LCA5: variants seen among roughly 807,000 people sequenced by gnomAD.
LCA5 encodes the protein lebercilin.
In LCA5, 37 loss-of-function variants were observed where a neutral mutation model predicts 53.0. The observed-to-expected ratio is 0.70, with a 90% confidence interval of 0.54 to 0.92. The LOEUF (loss-of-function observed/expected upper bound fraction) is 0.92, where lower values mean the gene tolerates loss of function less well. LCA5 is among the 40% of genes least tolerant of loss of function. The probability of loss-of-function intolerance (pLI) is 0.00; values close to 1 mark genes in which losing one functional copy is unlikely to be tolerated. For synonymous variants in LCA5, 303 were observed against 282.9 expected, an observed-to-expected ratio of 1.07 and a Z score of -0.71; for missense variants, 806 against 790.5, an observed-to-expected ratio of 1.02 and a Z score of -0.23.
At position 79,487,502 on chromosome 6, in the gene LCA5, T is replaced by C. The variant is rs1415217101; in HGVS notation, c.1596A>G (p.Pro532=). 1 of 1,614,046 alleles carries C rather than the reference T, an allele frequency of 6.2e-7. No homozygotes were observed. The change falls in exon 8 of 8, where the codon CCA becomes CCG. Residue 532 remains proline, a synonymous_variant. Transcript: ENST00000369846. ...TTCCTGAATTCTGACCTTCTCCTTT[T>C]GGAGTTGAGAAACTGATGTCTTGCA... ...HHLQDISFST[P]KGEGQNSGNV...
chr6:79,504,877 T>C (rs1436119199), intron 3 of LCA5, among the ~76,000 whole-genome samples: 1 of 152,110 alleles, frequency 6.6e-6, no homozygotes, highest in Non-Finnish European at 1.5e-5. Flanking sequence ...AGTGCCAAAA[T>C]ATACTTTTCA....
At chr6:79,512,013 C>T (rs1436348025) in intron 3 of LCA5, among the ~76,000 whole-genome samples, 3 of 152,100 alleles carry the variant, frequency 2.0e-5, no homozygotes, top group Non-Finnish European at 4.4e-5. Flanking sequence ...CATGTTCTCT[C>T]TCTATATGTA....
At position 79,511,516 on chromosome 6, in the gene LCA5, C is replaced by T. The variant is rs373423227; in HGVS notation, c.720+1696G>A. Among the ~76,000 whole-genome samples, 28 of 152,120 alleles carry T rather than the reference C, an allele frequency of 1.8e-4. No individual in the cohort carries two copies. The East Asian group carries it at 3.5e-3, about 19-fold the overall frequency. ...GTAAAATGGTAAAATACAAGGGATT[C>T]TTGTGATGGAATTGGTCTATATCTT... On this transcript the variant is annotated intron_variant, in intron 3 of 7. Transcript: ENST00000369846.
chr6:79,529,541 T>A (rs1766893260), intron 1 of LCA5, among the ~76,000 whole-genome samples: 1 of 152,084 alleles, frequency 6.6e-6, no homozygotes, highest in South Asian at 2.1e-4. Flanking sequence ...CCATCAGCCT[T>A]ATAAGGTATC....
chr6:79,511,616 T>C (rs2127678769), intron 3 of LCA5, among the ~76,000 whole-genome samples: 1 of 152,246 alleles, frequency 6.6e-6, no homozygotes, highest in South Asian at 2.1e-4. Flanking sequence ...CACGTAAAAC[T>C]AGTGAAAGCT....
chr6:79,505,425 A>G (rs1770248957), intron 3 of LCA5, among the ~76,000 whole-genome samples: 1 of 152,206 alleles, frequency 6.6e-6, no homozygotes, highest in South Asian at 2.1e-4. Flanking sequence ...AACATTAAAT[A>G]ATAGATATAA....
At chr6:79,518,184 T>G (rs968255085) in intron 2 of LCA5, among the ~76,000 whole-genome samples, 1 of 152,140 alleles carries the variant, frequency 6.6e-6, no homozygotes, top group Non-Finnish European at 1.5e-5. Flanking sequence ...TTAATCCAGT[T>G]TCCATTATAA....
At chr6:79,494,007 T>A (rs1028847532) in intron 3 of LCA5, among the ~76,000 whole-genome samples, 1 of 152,158 alleles carries the variant, frequency 6.6e-6, no homozygotes, top group African/African-American at 2.4e-5. Flanking sequence ...GGCTCATGCC[T>A]ATAATCCTGT....
chr6:79,501,264 G>A (rs1770130884), intron 3 of LCA5, among the ~76,000 whole-genome samples: 1 of 151,860 alleles, frequency 6.6e-6, no homozygotes, highest in Non-Finnish European at 1.5e-5. Context: ...AATTCGTTGG[G>A]CCTCCTATTT....
chr6:79,530,413 C>T (rs1042924314), intron 1 of LCA5, among the ~76,000 whole-genome samples: 5 of 151,988 alleles, frequency 3.3e-5, no homozygotes, highest in African/African-American at 9.7e-5. Context: ...AGGTACTGGG[C>T]TTAATACCTG....
intron 5 of LCA5, 117 bp from the exon 6 acceptor site, chr6:79,491,847 T>A: frequency 1.3e-6 from 1 of 784,050 alleles, no homozygotes; most frequent in Non-Finnish European, 2.1e-6. Flanking sequence ...TGTACATTTA[T>A]ATGCACCACT....
intron 1 of LCA5, among the ~76,000 whole-genome samples, chr6:79,520,546 C>A (rs1284228269): frequency 1.3e-5 from 2 of 152,004 alleles, no homozygotes; most frequent in African/African-American, 2.4e-5. Flanking sequence ...CTTTTATAAT[C>A]CAATTTAGAA....
At chr6:79,499,065 C>T (rs995694305) in intron 3 of LCA5, among the ~76,000 whole-genome samples, 1 of 151,970 alleles carries the variant, frequency 6.6e-6, no homozygotes, top group Admixed American at 6.6e-5. Flanking sequence ...AAGCAAAGAA[C>T]GAGAGTAGTT....
At chr6:79,491,798 G>T in intron 5 of LCA5, 68 bp from the exon 6 acceptor site, 1 of 1,359,398 alleles carries the variant, frequency 7.4e-7, no homozygotes, top group Non-Finnish European at 1.0e-6. Flanking sequence ...AATTCAGCTG[G>T]CATGTATATA....
Position 79,487,148 on chromosome 6 carries a change from T to G in LCA5, c.1950A>C (p.Glu650Asp). The stretch of plus-strand genomic sequence containing the variant: ...GGAAAAAGCCTTCATCTTCATCATG[T>G]TCTTGATCTCTGCTGCCTTTATTCC... ...LPGNKGSRDQ[E>D]HDEDEGFFLS... The change falls in exon 8 of 8, where the codon GAA (glutamate) becomes GAC (aspartate). Residue 650 changes from glutamate (E) to aspartate (D), a missense_variant. Physicochemically the swap from Glu to Asp is conservative, Grantham distance 45. Coordinates refer to ENST00000369846, the MANE Select transcript of LCA5 (RefSeq NM_001122769.3). The G allele has an allele frequency of 2.5e-6, 4 of 1,613,996 alleles. No individual in the cohort carries two copies. The highest frequency in any genetic ancestry group is 3.4e-6 in the Non-Finnish European group (4 of 1,179,914).
chr6:79,487,474 C>CAG lies in LCA5; in HGVS notation c.1623_1624insCT (p.Val542LeufsTer52). 6.2e-7 allele frequency: 1 copy of CAG among 1,614,044 alleles called. No individual in the cohort carries two copies. The highest frequency in any genetic ancestry group is 1.1e-5 in the South Asian group (1 of 91,078). On this transcript the variant is annotated frameshift_variant, in exon 8 of 8. Coordinates refer to ENST00000369846, the MANE Select transcript of LCA5 (RefSeq NM_001122769.3). LOFTEE classifies it low-confidence loss of function (END_TRUNC). ...TCATTAGGGGAGGCTGGACTTCTAACATTTCCTGAATTCTGACCTTCTCCT... is the reference window on the plus strand; with the variant it reads ...TCATTAGGGGAGGCTGGACTTCTAACAGATTTCCTGAATTCTGACCTTCTCCT...
At chr6:79,490,046 A>T (rs930157790) in intron 6 of LCA5, among the ~76,000 whole-genome samples, 3 of 152,130 alleles carry the variant, frequency 2.0e-5, no homozygotes, top group African/African-American at 7.2e-5. Context: ...ACACTCTTTA[A>T]AATGGAATAT....
intron 3 of LCA5, among the ~76,000 whole-genome samples, chr6:79,496,203 G>A (rs964793536): frequency 6.6e-6 from 1 of 152,194 alleles, no homozygotes. Flanking sequence ...AGGATGAGTA[G>A]CAACCAGAAC....
At chr6:79,518,488 C>T (rs1472150874) in intron 2 of LCA5, among the ~76,000 whole-genome samples, 1 of 152,118 alleles carries the variant, frequency 6.6e-6, no homozygotes, top group East Asian at 1.9e-4. Flanking sequence ...ATGTTTCCTT[C>T]TGTATACTGT....
Sources: allele counts gnomAD v4.1 joint callset (sites outside exome capture counted in the v4.1 genomes callset), GRCh38; gene constraint gnomAD v4.1.1; transcripts MANE v1.5; gene names NCBI Gene and HGNC (gene_info 2026-07-23, HGNC 2026-07-21).